The following ARHGEF17 variants were observed in gnomAD, a reference collection of about 807,000 sequenced individuals.
ARHGEF17 encodes the protein Rho guanine nucleotide exchange factor 17, also known as 164 kDa Rho-specific guanine-nucleotide exchange factor.
Under a neutral mutation model 174.0 loss-of-function variants are expected in ARHGEF17, and 80 were observed. The observed-to-expected ratio is 0.46, with a 90% confidence interval of 0.38 to 0.55. The LOEUF is 0.55. ARHGEF17 is among the 20% of genes least tolerant of loss of function. ARHGEF17 has a pLI of 0.00. For synonymous variants in ARHGEF17, 1,311 were observed against 1,189.1 expected (o/e 1.10, Z -2.11); for missense variants, 2,886 against 2,839.7 (o/e 1.02, Z -0.37).
intron 1 of ARHGEF17, among the ~76,000 whole-genome samples, chr11:73,325,215 A>G (rs891496563): frequency 1.1e-4 from 16 of 151,986 alleles, no homozygotes; most frequent in African/African-American, 3.4e-4. Flanking sequence ...AGCCAGCCCA[A>G]ACCTCCCCCA....
chr11:73,314,824 C>T (rs1270432320), intron 1 of ARHGEF17, among the ~76,000 whole-genome samples: 1 of 152,116 alleles, frequency 6.6e-6, no homozygotes, highest in Non-Finnish European at 1.5e-5. Flanking sequence ...GGAGAGCTTC[C>T]CCCGCCCCAG....
rs764392843 is a variant in ARHGEF17, at chr11:73,309,883, G to A, written c.1245G>A (p.Val415=). Residue 415 remains valine, a synonymous_variant, in exon 1 of 21, where the codon GTG becomes GTA. Coordinates refer to ENST00000263674, the MANE Select transcript of ARHGEF17 (RefSeq NM_014786.4). The stretch of plus-strand genomic sequence containing the variant: ...GTAGGGGTTCTGGGGGCTGGGGCGT[G>A]TACCGCTCCCCTAGCTTTGGAGCTG... The part of the protein sequence containing the change: ...WSSRGSGGWG[V]YRSPSFGAGE... 26 of 1,613,034 alleles carry A rather than the reference G, an allele frequency of 1.6e-5. No individual in the cohort carries two copies. The highest frequency in any genetic ancestry group is 2.0e-5 in the Non-Finnish European group (24 of 1,179,852).
chr11:73,323,204 G>A (rs574964116), intron 1 of ARHGEF17, among the ~76,000 whole-genome samples: 2 of 152,314 alleles, frequency 1.3e-5, no homozygotes, highest in Non-Finnish European at 2.9e-5. Context: ...CCTGGGAGAG[G>A]CCTAATGGAG....
rs1246588623 is a variant in ARHGEF17, at chr11:73,308,716, C to G, written c.78C>G (p.Pro26=). Residue 26 remains proline (P), a synonymous_variant, in exon 1 of 21, where the codon CCC becomes CCG. Transcript: ENST00000263674. ...FKLLERWSGG[P]GLREEDTDTP... ...TGCTGGAGCGCTGGAGCGGCGGCCC[C>G]GGGCTGAGGGAGGAGGACACGGACA... 2.0e-6 allele frequency: 3 copies of G among 1,513,850 alleles called. No homozygotes were observed. Among genetic ancestry groups the G allele is most frequent in the Non-Finnish European group, 2.6e-6 (3 of 1,135,614 alleles). 93.8% of individuals were successfully genotyped at this position (1,513,850 alleles called of 1,614,324 possible).
rs770419392 is a variant in ARHGEF17, at chr11:73,361,103, G to C, written c.4436G>C (p.Cys1479Ser). 8 of 1,613,958 alleles carry C rather than the reference G, an allele frequency of 5.0e-6. No homozygotes were observed. Among genetic ancestry groups the C allele is most frequent in the East Asian group, 2.2e-5 (1 of 44,902 alleles). ...AKRKLASSKS[C>S]LDPEFLKAIP... is the part of the protein sequence containing the mutation. Reference sequence around the variant, plus strand: ...TCCACTACAGCATCCAGCAAAAGCTGTCTAGACCCTGAGTTCCTGAAGGCC... The same window carrying C: ...TCCACTACAGCATCCAGCAAAAGCTCTCTAGACCCTGAGTTCCTGAAGGCC... The change falls in exon 12 of 21, where the codon TGT becomes TCT. Residue 1479 changes from cysteine to serine, a missense_variant. Cys to Ser is a moderately radical substitution (Grantham distance 112, BLOSUM62 -1). Around this residue, in one of 4 missense-constraint regions of ARHGEF17, gnomAD observed 476 missense variants for 473.1 expected, o/e 1.01. Coordinates refer to ENST00000263674, the MANE Select transcript of ARHGEF17 (RefSeq NM_014786.4).
In ARHGEF17 at chr11:73,352,827, C is replaced by T. The variant is rs1442504368; in HGVS notation, c.3271-3C>T. The T allele has an allele frequency of 6.2e-7, 1 of 1,613,834 alleles. No individual in the cohort carries two copies. ...GTGTGCACCGACCCTGTGGGTCCTT[C>T]AGGGCTACATGCAGCCGCTGAAGCA... is the stretch of plus-strand genomic sequence containing the variant. On this transcript the variant is annotated splice_region_variant and splice_polypyrimidine_tract_variant and intron_variant, in intron 2 of 20. Transcript: ENST00000263674.
At chr11:73,366,588 T>C (rs1265995286) in intron 20 of ARHGEF17, among the ~76,000 whole-genome samples, 1 of 151,430 alleles carries the variant, frequency 6.6e-6, no homozygotes, top group Non-Finnish European at 1.5e-5. Flanking sequence ...AAATTAGCCA[T>C]GTGTGGTGGC....
intron 4 of ARHGEF17, 92 bp from the exon 5 acceptor site, chr11:73,355,769 G>T (rs1591756278): frequency 1.3e-6 from 2 of 1,579,242 alleles, no homozygotes; most frequent in African/African-American, 2.7e-5. Context: ...TCCGCTCTCA[G>T]GCTGAGCTGG....
At chr11:73,341,925 G>C (rs1865376103) in intron 1 of ARHGEF17, among the ~76,000 whole-genome samples, 1 of 152,218 alleles carries the variant, frequency 6.6e-6, no homozygotes, top group Admixed American at 6.5e-5. Context: ...CAGCTGCAGG[G>C]TGCTTCAGAG....
Position 73,308,683 on chromosome 11 carries a change from G to T in ARHGEF17, c.45G>T (p.Ser15=). The T allele has an allele frequency of 6.6e-7, 1 of 1,520,726 alleles. No individual in the cohort carries two copies. Among genetic ancestry groups the T allele is most frequent in the South Asian group, 1.2e-5 (1 of 81,722 alleles). 94.2% of individuals were successfully genotyped at this position (1,520,726 alleles called of 1,614,324 possible). Residue 15 remains serine (S), a synonymous_variant, in exon 1 of 21, where the codon TCG becomes TCT. Coordinates refer to ENST00000263674, the MANE Select transcript of ARHGEF17 (RefSeq NM_014786.4). ...APRPQLYRSV[S]FKLLERWSGG... ...GGCCCCAGCTTTACCGCAGCGTCTC[G>T]TTCAAGCTGCTGGAGCGCTGGAGCG...
intron 3 of ARHGEF17, among the ~76,000 whole-genome samples, chr11:73,354,442 G>A (rs1012258192): frequency 1.2e-4 from 18 of 152,128 alleles, no homozygotes; most frequent in Admixed American, 1.0e-3. Flanking sequence ...CTGGCCGGGC[G>A]CAGTGGTTCA....
intron 1 of ARHGEF17, among the ~76,000 whole-genome samples, chr11:73,334,854 G>C (rs906538279): frequency 2.2e-4 from 34 of 152,200 alleles, no homozygotes; most frequent in Admixed American, 1.4e-3. Flanking sequence ...CCCCCTGCAG[G>C]CTGGGGAACT....
chr11:73,310,199 C>T lies in ARHGEF17; in HGVS notation c.1561C>T (p.Pro521Ser), dbSNP rs757068849. Residue 521 changes from proline (P) to serine (S), a missense_variant, in exon 1 of 21, where the codon CCC (proline) becomes TCC (serine). Around this residue, in one of 4 missense-constraint regions of ARHGEF17, gnomAD observed 1,728 missense variants for 1,461.2 expected, o/e 1.18. Coordinates refer to ENST00000263674, the MANE Select transcript of ARHGEF17 (RefSeq NM_014786.4). ...GGPVGQLEPI[P>S]IPAPASPGTR... The stretch of plus-strand genomic sequence containing the variant: ...CCCTGTGGGGCAACTTGAACCCATA[C>T]CCATCCCAGCCCCAGCATCACCTGG... The T allele has an allele frequency of 5.0e-6, 8 of 1,613,962 alleles. No individual in the cohort carries two copies. Among genetic ancestry groups the T allele is most frequent in the Non-Finnish European group, 5.9e-6 (7 of 1,180,026 alleles).
chr11:73,315,440 G>C (rs781194055), intron 1 of ARHGEF17, among the ~76,000 whole-genome samples: 10 of 152,188 alleles, frequency 6.6e-5, no homozygotes, highest in Non-Finnish European at 1.3e-4. Flanking sequence ...TGCTGATGAA[G>C]GTCTGGCAAC....
intron 1 of ARHGEF17, among the ~76,000 whole-genome samples, chr11:73,337,694 ACAGGCG>A (rs1245834541): frequency 6.6e-6 from 1 of 152,166 alleles, no homozygotes; most frequent in Admixed American, 6.5e-5. Flanking sequence ...TGCTGGGATT[ACAGGCG>A]TGAACTACCA....
intron 1 of ARHGEF17, among the ~76,000 whole-genome samples, chr11:73,314,998 G>GA (rs1265741039): frequency 6.6e-6 from 1 of 152,254 alleles, no homozygotes; most frequent in Non-Finnish European, 1.5e-5. Context: ...CAGTAACAAT[G>GA]ACGAACATTT....
rs1304239012 is a variant in ARHGEF17 at position 73,309,804 on chromosome 11, G to C, written c.1166G>C (p.Gly389Ala). Residue 389 changes from glycine to alanine, a missense_variant, in exon 1 of 21, where the codon GGT becomes GCT. This residue lies in a region of ARHGEF17 where 1,728 missense variants were observed against 1,461.2 expected (regional missense o/e 1.18). Transcript: ENST00000263674. ...CTGGCCAGCCCCGCAGGCTCCCGCG[G>C]TAGCAGCCGTTATTCCAGCACGGAG... ...SYLASPAGSR[G>A]SSRYSSTETL... The C allele has an allele frequency of 1.2e-6, 2 of 1,613,092 alleles. No individual in the cohort carries two copies. Among genetic ancestry groups the C allele is most frequent in the South Asian group, 2.2e-5 (2 of 91,090 alleles).
chr11:73,339,825 A>C (rs1365198734), intron 1 of ARHGEF17, among the ~76,000 whole-genome samples: 2 of 152,130 alleles, frequency 1.3e-5, no homozygotes, highest in Non-Finnish European at 2.9e-5. Flanking sequence ...TCTCTGACTA[A>C]AGAGCAGGTG....
At chr11:73,332,410 T>TGTGTGTGTGTGTGTGTG (rs1865223510) in intron 1 of ARHGEF17, among the ~76,000 whole-genome samples, 2 of 69,140 alleles carry the variant, frequency 2.9e-5, no homozygotes, top group East Asian at 6.2e-4. Flanking sequence ...TGTGTGTGTA[T>TGTGTGTGTGTGTGTGTG]TTTAAATAAC....
Sources: allele counts gnomAD v4.1 joint callset (sites outside exome capture counted in the v4.1 genomes callset), GRCh38; gene constraint gnomAD v4.1.1; regional missense constraint gnomAD v4.1.1; transcripts MANE v1.5; gene names NCBI Gene and HGNC (gene_info 2026-07-23, HGNC 2026-07-21).